Variants in PON3 observed in about 807,000 individuals in gnomAD.
PON3 encodes paraoxonase 3.
Under a neutral mutation model 36.3 loss-of-function variants are expected in PON3, and 37 were observed. That is an observed-to-expected ratio of 1.02 (90% CI 0.78 to 1.34). The LOEUF is 1.34. Among genes scored for constraint, PON3 ranks in the 40% most tolerant of loss-of-function variants. The probability of loss-of-function intolerance (pLI) is 0.00; values close to 1 mark genes in which losing one functional copy is unlikely to be tolerated. For missense variants in PON3, 415 were observed against 426.5 expected (o/e 0.97, Z 0.24); for synonymous variants, 155 against 154.8 (o/e 1.00, Z -0.01).
At chr7:95,377,843 T>G (rs890425138) in intron 3 of PON3, among the ~76,000 whole-genome samples, 2 of 151,812 alleles carry the variant, frequency 1.3e-5, no homozygotes, top group African/African-American at 4.8e-5. Context: ...AAAACCAGAG[T>G]GCCTCTTATC....
intron 5 of PON3, among the ~76,000 whole-genome samples, chr7:95,366,141 A>G (rs1381087477): frequency 6.6e-6 from 1 of 152,138 alleles, no homozygotes; most frequent in East Asian, 1.9e-4. Flanking sequence ...CTCCCTAATG[A>G]AGTGGCCAAA....
chr7:95,394,718 T>C lies in PON3; in HGVS notation c.75-4A>G, dbSNP rs762310302. ...TCGAGAGGCATTCACCCTTTCTCTG[T>C]AGAAGATAAAACCCAACCCTGGAAG... is the stretch of plus-strand genomic sequence containing the variant. On this transcript the variant is annotated splice_polypyrimidine_tract_variant and splice_region_variant and intron_variant, in intron 1 of 8. Coordinates refer to ENST00000265627, the MANE Select transcript of PON3 (RefSeq NM_000940.3). 22 of 1,613,812 alleles carry C rather than the reference T, an allele frequency of 1.4e-5. No individual in the cohort carries two copies. Among genetic ancestry groups the C allele is most frequent in the Non-Finnish European group, 1.9e-5 (22 of 1,179,800 alleles).
intron 5 of PON3, among the ~76,000 whole-genome samples, chr7:95,367,111 A>G (rs540526836): frequency 6.6e-6 from 1 of 152,352 alleles, no homozygotes; most frequent in Non-Finnish European, 1.5e-5. Flanking sequence ...AGAGCTGGGA[A>G]TTTAATTGAG....
chr7:95,377,635 G>A (rs1483569029), intron 3 of PON3: 1 of 380,724 alleles, frequency 2.6e-6, no homozygotes, highest in South Asian at 1.8e-5. Flanking sequence ...CAGGCAAACA[G>A]GGTCTGGAGT....
intron 3 of PON3, among the ~76,000 whole-genome samples, chr7:95,387,663 C>T (rs181953098): frequency 1.1e-4 from 16 of 152,210 alleles, no homozygotes; most frequent in Admixed American, 2.6e-4. Context: ...AATAAGGGCC[C>T]GCATAGCCAA....
At chr7:95,391,192 T>C (rs1809309920) in intron 2 of PON3, among the ~76,000 whole-genome samples, 1 of 152,196 alleles carries the variant, frequency 6.6e-6, no homozygotes, top group African/African-American at 2.4e-5. Context: ...ACTTCACATC[T>C]TGGAGAGAAG....
chr7:95,384,548 C>G (rs987649188), intron 3 of PON3, among the ~76,000 whole-genome samples: 1 of 152,264 alleles, frequency 6.6e-6, no homozygotes, highest in African/African-American at 2.4e-5. Flanking sequence ...CGGATATGAA[C>G]AGACACTTCT....
intron 2 of PON3, among the ~76,000 whole-genome samples, chr7:95,393,797 G>A (rs1416425256): frequency 6.6e-6 from 1 of 152,152 alleles, no homozygotes; most frequent in Non-Finnish European, 1.5e-5. Flanking sequence ...CCCTTTAACT[G>A]ACTAAAAAAG....
intron 5 of PON3, 54 bp from the exon 6 acceptor site, chr7:95,364,117 T>TAA: frequency 4.9e-6 from 7 of 1,414,394 alleles, no homozygotes; most frequent in Middle Eastern, 1.9e-4. Context: ...AAATATCCTT[T>TAA]ATCCTTGTCA....
Position 95,360,125 on chromosome 7 carries a change from G to A in PON3, c.913C>T (p.Arg305Cys), listed in dbSNP as rs1206094219. The A allele has an allele frequency of 2.2e-5, 36 of 1,612,742 alleles. No individual in the cohort carries two copies. Among genetic ancestry groups the A allele is most frequent in the Admixed American group, 1.8e-4 (11 of 59,980 alleles). Residue 305 changes from arginine to cysteine, a missense_variant, in exon 9 of 9, where the codon CGC becomes TGC. By Grantham distance (180) the Arg-to-Cys change is radical. Transcript: ENST00000265627. ...PEDPPGSEVL[R>C]IQNVLSEKPR... ...TTCTCAGACAAAACATTCTGGATGCGAAGTACCTGTCGAGAAAAGATCGTT... is the reference window on the plus strand; with the variant it reads ...TTCTCAGACAAAACATTCTGGATGCAAAGTACCTGTCGAGAAAAGATCGTT...
chr7:95,389,716 G>A (rs1432040299), intron 3 of PON3, among the ~76,000 whole-genome samples: 4 of 152,134 alleles, frequency 2.6e-5, no homozygotes, highest in Admixed American at 1.3e-4. Flanking sequence ...ATCGAGTAAC[G>A]TGGTTAATAT....
chr7:95,381,063 A>G (rs1585728377), intron 3 of PON3, among the ~76,000 whole-genome samples: 3 of 152,316 alleles, frequency 2.0e-5, no homozygotes, highest in Admixed American at 6.5e-5. Context: ...ATATTAAAGA[A>G]AAGAATTTTC....
intron 3 of PON3, among the ~76,000 whole-genome samples, chr7:95,380,190 A>G (rs541216958): frequency 6.6e-6 from 1 of 152,290 alleles, no homozygotes; most frequent in Non-Finnish European, 1.5e-5. Flanking sequence ...TCCACACCAA[A>G]ACCCCATCTG....
intron 6 of PON3, among the ~76,000 whole-genome samples, chr7:95,363,112 T>C (rs1206967299): frequency 1.3e-5 from 2 of 152,102 alleles, no homozygotes; most frequent in Non-Finnish European, 2.9e-5. Context: ...GTCACAACTT[T>C]TTCCTTAAAT....
chr7:95,387,508 C>T (rs1046448919), intron 3 of PON3, among the ~76,000 whole-genome samples: 1 of 152,152 alleles, frequency 6.6e-6, no homozygotes, highest in African/African-American at 2.4e-5. Context: ...AAGAACATTC[C>T]ATGCTCATGG....
At position 95,362,472 on chromosome 7, in the gene PON3, A is replaced by G. The variant is rs1373129634; in HGVS notation, c.796T>C (p.Leu266=). 1 of 1,613,776 alleles carries G rather than the reference A, an allele frequency of 6.2e-7. No homozygotes were observed. Among genetic ancestry groups the G allele is most frequent in the South Asian group, 1.1e-5 (1 of 91,072 alleles). Residue 266 remains leucine, a synonymous_variant, in exon 8 of 9, where the codon TTA becomes CTA. Coordinates refer to ENST00000265627, the MANE Select transcript of PON3 (RefSeq NM_000940.3). ...GGATCGACAGTCAGGTTATCCACTAAGGTGCCCAACTGTATCACCTTACAA... is the reference window on the plus strand; with the variant it reads ...GGATCGACAGTCAGGTTATCCACTAGGGTGCCCAACTGTATCACCTTACAA... The part of the protein sequence containing the change: ...TQLKVIQLGT[L]VDNLTVDPAT...
chr7:95,363,284 A>G (rs17881155), intron 6 of PON3, among the ~76,000 whole-genome samples: 8,672 of 152,212 alleles, frequency 0.057, 823 homozygotes, highest in African/African-American at 0.2. Flanking sequence ...TTTGCTCATT[A>G]TCTCAAATAT....
chr7:95,395,643 T>C (rs1339989466), intron 1 of PON3, among the ~76,000 whole-genome samples: 1 of 152,184 alleles, frequency 6.6e-6, no homozygotes, highest in Non-Finnish European at 1.5e-5. Context: ...TGAATGTGTA[T>C]TATCACTTAA....
chr7:95,386,467 C>T (rs1273542121), intron 3 of PON3, among the ~76,000 whole-genome samples: 3 of 152,106 alleles, frequency 2.0e-5, no homozygotes, highest in Non-Finnish European at 2.9e-5. Flanking sequence ...CAATAACAGG[C>T]TCTGAAATTG....
Sources: allele counts gnomAD v4.1 joint callset (sites outside exome capture counted in the v4.1 genomes callset), GRCh38; gene constraint gnomAD v4.1.1; transcripts MANE v1.5; gene names NCBI Gene and HGNC (gene_info 2026-07-23, HGNC 2026-07-21).